OR6X1: variants seen among roughly 807,000 people sequenced by gnomAD.
OR6X1 encodes olfactory receptor 6X1.
For missense variants in OR6X1, 354 were observed against 372.2 expected (o/e 0.95, Z 0.40); for synonymous variants, 160 against 149.8 (o/e 1.07, Z -0.50).
Position 123,754,057 on chromosome 11 carries a change from G to A in OR6X1, c.462C>T (p.Val154=), listed in dbSNP as rs769930812. 37 of 1,614,136 alleles carry A rather than the reference G, an allele frequency of 2.3e-5. 1 individual carries two copies. In the South Asian group the frequency reaches 4.1e-4, roughly 18 times the overall value. The change falls in exon 1 of 1, where the codon GTC becomes GTT. Residue 154 remains valine, a synonymous_variant. Transcript: ENST00000327930. ...LSSWVVGFTI[V]FCQTMLLIQL... is the part of the protein sequence containing the mutation. Reference sequence around the variant, plus strand: ...GGATGAGCAGCATCGTCTGACAAAAGACAATGGTGAAGCCCACCACCCAGG... The same window carrying A: ...GGATGAGCAGCATCGTCTGACAAAAAACAATGGTGAAGCCCACCACCCAGG...
chr11:123,754,339 G>A lies in OR6X1; in HGVS notation c.180C>T (p.Phe60=). Residue 60 remains phenylalanine (F), a synonymous_variant, in exon 1 of 1, where the codon TTC becomes TTT. Transcript: ENST00000327930. ...EPRLQIPMYF[F]LCNLSFLEIW... ...TTTCTAAGAAAGACAAGTTACAAAG[G>A]AAGAAGTACATTGGAATTTGTAGCC... is the stretch of plus-strand genomic sequence containing the variant. 1 of 1,614,168 alleles carries A rather than the reference G, an allele frequency of 6.2e-7. No individual in the cohort carries two copies. Among genetic ancestry groups the A allele is most frequent in the South Asian group, 1.1e-5 (1 of 91,078 alleles).
In OR6X1 at chr11:123,753,883, A is replaced by G. The variant is rs1862021177; in HGVS notation, c.636T>C (p.Asn212=). 3 of 1,614,088 alleles carry G rather than the reference A, an allele frequency of 1.9e-6. No homozygotes were observed. Among genetic ancestry groups the G allele is most frequent in the Admixed American group, 1.7e-5 (1 of 60,010 alleles). ...ILVIPGSLLF[N]MISYIYILSA... is the part of the protein sequence containing the mutation. ...ACAGAATGTAGATATAAGAAATCAT[A>G]TTAAAGAGAAGTGACCCTGGGATCA... The change falls in exon 1 of 1, where the codon AAT becomes AAC. Residue 212 remains asparagine, a synonymous_variant. Coordinates refer to ENST00000327930, the MANE Select transcript of OR6X1 (RefSeq NM_001005188.1).
In OR6X1 at chr11:123,753,731, T is replaced by C; in HGVS notation, c.788A>G (p.His263Arg). 6.2e-7 allele frequency: 1 copy of C among 1,613,912 alleles called. No homozygotes were observed. The highest frequency in any genetic ancestry group is 8.5e-7 in the Non-Finnish European group (1 of 1,179,956). The change falls in exon 1 of 1, where the codon CAC becomes CGC. Residue 263 changes from histidine (H) to arginine (R), a missense_variant. Physicochemically the swap from His to Arg is conservative, Grantham distance 29. Coordinates refer to ENST00000327930, the MANE Select transcript of OR6X1 (RefSeq NM_001005188.1). ...CACCTTATTAATCTTAAAGGAGGAG[T>C]GTGCTGTGGGTCTTAGGTACATGAA... ...VLFMYLRPTAHSSFKINKVVS... is the reference protein window; with the variant it reads ...VLFMYLRPTARSSFKINKVVS...
At position 123,753,856 on chromosome 11, in the gene OR6X1, G is replaced by A. The variant is rs759293628; in HGVS notation, c.663C>T (p.Ser221=). The change falls in exon 1 of 1, where the codon TCC becomes TCT. Residue 221 remains serine (S), a synonymous_variant. Transcript: ENST00000327930. ...TGGCTGAAGGAATTCGTAGGATTGC[G>A]GACAGAATGTAGATATAAGAAATCA... ...FNMISYIYIL[S]AILRIPSATG... 4.0e-5 allele frequency: 65 copies of A among 1,613,862 alleles called. No individual in the cohort carries two copies. Among genetic ancestry groups the A allele is most frequent in the East Asian group, 2.0e-4 (9 of 44,896 alleles).
In OR6X1 at chr11:123,754,138, G is replaced by A; in HGVS notation, c.381C>T (p.Pro127=). The A allele has an allele frequency of 6.2e-7, 1 of 1,614,170 alleles. No homozygotes were observed. Among genetic ancestry groups the A allele is most frequent in the Non-Finnish European group, 8.5e-7 (1 of 1,180,036 alleles). ...TGGTCATGATGGTGGGGTGGTGAAGGGGATTGCAGATGGTGAGGTAGCGGT... is the reference window on the plus strand; with the variant it reads ...TGGTCATGATGGTGGGGTGGTGAAGAGGATTGCAGATGGTGAGGTAGCGGT... ...SFDRYLTICN[P]LHHPTIMTSK... Residue 127 remains proline, a synonymous_variant, in exon 1 of 1, where the codon CCC becomes CCT. Coordinates refer to ENST00000327930, the MANE Select transcript of OR6X1 (RefSeq NM_001005188.1).
rs765346460 is a variant in OR6X1, at chr11:123,754,491, A to G, written c.28T>C (p.Phe10Leu). The G allele has an allele frequency of 1.0e-5, 16 of 1,607,674 alleles. No homozygotes were observed. In the East Asian group the frequency reaches 1.3e-4, roughly 13 times the overall value. The change falls in exon 1 of 1, where the codon TTC becomes CTC. Residue 10 changes from phenylalanine to leucine, a missense_variant. Coordinates refer to ENST00000327930, the MANE Select transcript of OR6X1 (RefSeq NM_001005188.1). Reference protein sequence around the residue: MRNGTVITEFILLGFPVIQG... With the variant: MRNGTVITELILLGFPVIQG... ...ATAACAGGAAAGCCTAGCAGGATGA[A>G]TTCTGTGATTACTGTGCCATTTCTC...
chr11:123,754,352 G>A lies in OR6X1; in HGVS notation c.167C>T (p.Pro56Leu), dbSNP rs185839583. The A allele has an allele frequency of 3.1e-5, 50 of 1,614,182 alleles. No individual in the cohort carries two copies. The African/African-American group carries it at 5.7e-4, about 18-fold the overall frequency. The change falls in exon 1 of 1, where the codon CCA (proline) becomes CTA (leucine). Residue 56 changes from proline to leucine, a missense_variant. Transcript: ENST00000327930. ...CAAGTTACAAAGGAAGAAGTACATTGGAATTTGTAGCCTGGGCTCAGCCCA... is the reference window on the plus strand; with the variant it reads ...CAAGTTACAAAGGAAGAAGTACATTAGAATTTGTAGCCTGGGCTCAGCCCA... The part of the protein sequence containing the change: ...TVWAEPRLQI[P>L]MYFFLCNLSF...
Position 123,754,307 on chromosome 11 carries a change from T to G in OR6X1, c.212A>C (p.Tyr71Ser). The change falls in exon 1 of 1, where the codon TAC (tyrosine) becomes TCC (serine). Residue 71 changes from tyrosine (Y) to serine (S), a missense_variant. By Grantham distance (144) the Tyr-to-Ser change is moderately radical (BLOSUM62 -2). Coordinates refer to ENST00000327930, the MANE Select transcript of OR6X1 (RefSeq NM_001005188.1). ...LCNLSFLEIW[Y>S]TTTVIPKLLG... ...CAGTTTGGGGATGACTGTGGTGGTGTACCAGATTTCTAAGAAAGACAAGTT... is the reference window on the plus strand; with the variant it reads ...CAGTTTGGGGATGACTGTGGTGGTGGACCAGATTTCTAAGAAAGACAAGTT... 1.2e-6 allele frequency: 2 copies of G among 1,614,008 alleles called. No individual in the cohort carries two copies. Among genetic ancestry groups the G allele is most frequent in the Non-Finnish European group, 1.7e-6 (2 of 1,179,886 alleles).
In OR6X1 at chr11:123,754,062, T is replaced by C. The variant is rs1472047291; in HGVS notation, c.457A>G (p.Ile153Val). Residue 153 changes from isoleucine to valine, a missense_variant, in exon 1 of 1, where the codon ATT becomes GTT. Ile to Val is a conservative substitution (Grantham distance 29). Coordinates refer to ENST00000327930, the MANE Select transcript of OR6X1 (RefSeq NM_001005188.1). Reference sequence around the variant, plus strand: ...AGCAGCATCGTCTGACAAAAGACAATGGTGAAGCCCACCACCCAGGAGCTC... The same window carrying C: ...AGCAGCATCGTCTGACAAAAGACAACGGTGAAGCCCACCACCCAGGAGCTC... The part of the protein sequence containing the change: ...ALSSWVVGFT[I>V]VFCQTMLLIQ... 1 of 1,613,932 alleles carries C rather than the reference T, an allele frequency of 6.2e-7. No homozygotes were observed.
In OR6X1 at chr11:123,753,593, C is replaced by T; in HGVS notation, c.926G>A (p.Gly309Asp). Residue 309 changes from glycine to aspartate, a missense_variant, in exon 1 of 1, where the codon GGT (glycine) becomes GAT (aspartate). Transcript: ENST00000327930. ...LRKAMTCPKT[G>D]HAK ...GTGTTGCATGTTTTACTTTGCATGA[C>T]CAGTCTTTGGGCAAGTCATTGCCTT... 6.4e-7 allele frequency: 1 copy of T among 1,563,128 alleles called. No homozygotes were observed. Among genetic ancestry groups the T allele is most frequent in the Non-Finnish European group, 8.7e-7 (1 of 1,155,724 alleles).
chr11:123,753,762 C>G lies in OR6X1; in HGVS notation c.757G>C (p.Val253Leu), dbSNP rs372030962. 850 of 1,614,072 alleles carry G rather than the reference C, an allele frequency of 5.3e-4. 14 individuals carry two copies. The South Asian group carries it at 8.9e-3, about 17-fold the overall frequency. Reference protein sequence around the residue: ...LTVVSLLYGAVLFMYLRPTAH... With the variant: ...LTVVSLLYGALLFMYLRPTAH... ...GTGGGTCTTAGGTACATGAACAGAA[C>G]AGCCCCGTAGAGCAGGGAGACAACT... Residue 253 changes from valine to leucine, a missense_variant, in exon 1 of 1, where the codon GTT (valine) becomes CTT (leucine). Val to Leu is a conservative substitution (Grantham distance 32). Coordinates refer to ENST00000327930, the MANE Select transcript of OR6X1 (RefSeq NM_001005188.1).
chr11:123,753,907 C>G lies in OR6X1; in HGVS notation c.612G>C (p.Val204=), dbSNP rs868354748. 2 of 1,614,008 alleles carry G rather than the reference C, an allele frequency of 1.2e-6. No individual in the cohort carries two copies. The highest frequency in any genetic ancestry group is 2.2e-5 in the South Asian group (2 of 91,082). ...ELLGVIATIL[V]IPGSLLFNMI... is the part of the protein sequence containing the mutation. Reference sequence around the variant, plus strand: ...TATTAAAGAGAAGTGACCCTGGGATCACAAGGATGGTTGCTATGACGCCCA... The same window carrying G: ...TATTAAAGAGAAGTGACCCTGGGATGACAAGGATGGTTGCTATGACGCCCA... Residue 204 remains valine (V), a synonymous_variant, in exon 1 of 1, where the codon GTG becomes GTC. Transcript: ENST00000327930.
Position 123,754,212 on chromosome 11 carries a change from A to T in OR6X1, c.307T>A (p.Phe103Ile). Reference protein sequence around the residue: ...SCCLLQAFFHFFVGTTEFLIL... With the variant: ...SCCLLQAFFHIFVGTTEFLIL... ...AAGAACTCGGTGGTGCCCACGAAGA[A>T]GTGGAAGAAGGCCTGCAGCAGGCAG... is the stretch of plus-strand genomic sequence containing the variant. Residue 103 changes from phenylalanine to isoleucine, a missense_variant, in exon 1 of 1, where the codon TTC becomes ATC. Physicochemically the swap from Phe to Ile is conservative, Grantham distance 21. Transcript: ENST00000327930. 6 of 1,614,024 alleles carry T rather than the reference A, an allele frequency of 3.7e-6. No individual in the cohort carries two copies. Among genetic ancestry groups the T allele is most frequent in the Non-Finnish European group, 5.1e-6 (6 of 1,179,990 alleles).
Position 123,754,436 on chromosome 11 carries a change from G to T in OR6X1, c.83C>A (p.Ala28Glu). The T allele has an allele frequency of 6.2e-7, 1 of 1,614,092 alleles. No individual in the cohort carries two copies. The highest frequency in any genetic ancestry group is 8.5e-7 in the Non-Finnish European group (1 of 1,179,928). The change falls in exon 1 of 1, where the codon GCA becomes GAA. Residue 28 changes from alanine to glutamate, a missense_variant. Physicochemically the swap from Ala to Glu is moderately radical, Grantham distance 107. Coordinates refer to ENST00000327930, the MANE Select transcript of OR6X1 (RefSeq NM_001005188.1). ...IQGLQTPLFIAIFLTYILTLA... is the reference protein window; with the variant it reads ...IQGLQTPLFIEIFLTYILTLA... ...GGTTAATATGTAGGTGAGAAAGATTGCAATAAAGAGAGGTGTTTGTAGGCC... is the reference window on the plus strand; with the variant it reads ...GGTTAATATGTAGGTGAGAAAGATTTCAATAAAGAGAGGTGTTTGTAGGCC...
At position 123,754,058 on chromosome 11, in the gene OR6X1, A is replaced by G; in HGVS notation, c.461T>C (p.Val154Ala). 6.2e-7 allele frequency: 1 copy of G among 1,614,116 alleles called. No individual in the cohort carries two copies. The highest frequency in any genetic ancestry group is 8.5e-7 in the Non-Finnish European group (1 of 1,180,020). ...GATGAGCAGCATCGTCTGACAAAAGACAATGGTGAAGCCCACCACCCAGGA... is the reference window on the plus strand; with the variant it reads ...GATGAGCAGCATCGTCTGACAAAAGGCAATGGTGAAGCCCACCACCCAGGA... ...LSSWVVGFTI[V>A]FCQTMLLIQL... Residue 154 changes from valine (V) to alanine (A), a missense_variant, in exon 1 of 1, where the codon GTC becomes GCC. Physicochemically the swap from Val to Ala is moderately conservative, Grantham distance 64 (BLOSUM62 0). Coordinates refer to ENST00000327930, the MANE Select transcript of OR6X1 (RefSeq NM_001005188.1).
In OR6X1 at chr11:123,753,620, C is replaced by T. The variant is rs753844365; in HGVS notation, c.899G>A (p.Arg300Lys). The T allele has an allele frequency of 3.8e-6, 6 of 1,599,442 alleles. No homozygotes were observed. The highest frequency in any genetic ancestry group is 5.1e-6 in the Non-Finnish European group (6 of 1,173,684). Residue 300 changes from arginine to lysine, a missense_variant, in exon 1 of 1, where the codon AGA becomes AAA. Arg to Lys is a conservative substitution (Grantham distance 26, BLOSUM62 2). Transcript: ENST00000327930. ...AGTCTTTGGGCAAGTCATTGCCTTT[C>T]TTAAGGCTCCCTTCACCTCCTTGTT... ...IRNKEVKGAL[R>K]KAMTCPKTGH...
chr11:123,754,405 T>C lies in OR6X1; in HGVS notation c.114A>G (p.Ala38=), dbSNP rs1245973406. The change falls in exon 1 of 1, where the codon GCA becomes GCG. Residue 38 remains alanine (A), a synonymous_variant. Transcript: ENST00000327930. The stretch of plus-strand genomic sequence containing the variant: ...CAGTGGCAATAATAAGCCCATTGCC[T>C]GCAAGGGTTAATATGTAGGTGAGAA... ...AIFLTYILTL[A]GNGLIIATVW... 1 of 1,613,936 alleles carries C rather than the reference T, an allele frequency of 6.2e-7. No individual in the cohort carries two copies. Among genetic ancestry groups the C allele is most frequent in the Admixed American group, 1.7e-5 (1 of 60,026 alleles).
rs140203672 is a variant in OR6X1 at position 123,753,845 on chromosome 11, C to A, written c.674G>T (p.Arg225Leu). ...TTGGTGGCCAGTGGCTGAAGGAATT[C>A]GTAGGATTGCGGACAGAATGTAGAT... Reference protein sequence around the residue: ...SYIYILSAILRIPSATGHQKT... With the variant: ...SYIYILSAILLIPSATGHQKT... Residue 225 changes from arginine (R) to leucine (L), a missense_variant, in exon 1 of 1, where the codon CGA becomes CTA. Arg to Leu is a moderately radical substitution (Grantham distance 102). Transcript: ENST00000327930. 2.5e-6 allele frequency: 4 copies of A among 1,613,948 alleles called. No individual in the cohort carries two copies. The South Asian group carries it at 4.4e-5, about 18-fold the overall frequency.
chr11:123,753,644 T>C lies in OR6X1; in HGVS notation c.875A>G (p.Asn292Ser). The change falls in exon 1 of 1, where the codon AAC (asparagine) becomes AGC (serine). Residue 292 changes from asparagine to serine, a missense_variant. Asn to Ser is a conservative substitution (Grantham distance 46). Transcript: ENST00000327930. Reference protein sequence around the residue: ...LLNPFIYTIRNKEVKGALRKA... With the variant: ...LLNPFIYTIRSKEVKGALRKA... ...TCTTAAGGCTCCCTTCACCTCCTTG[T>C]TTCTAATAGTATAAATAAAGGGATT... The C allele has an allele frequency of 6.2e-7, 1 of 1,610,712 alleles. No individual in the cohort carries two copies. The highest frequency in any genetic ancestry group is 8.5e-7 in the Non-Finnish European group (1 of 1,178,820).
Sources: allele counts gnomAD v4.1 joint callset, GRCh38; gene constraint gnomAD v4.1.1; transcripts MANE v1.5; gene names NCBI Gene and HGNC (gene_info 2026-07-23, HGNC 2026-07-21).